Variants in CXCL13 observed in about 807,000 individuals in gnomAD.
The protein encoded by CXCL13 is C-X-C motif chemokine ligand 13.
CXCL13 carries 7 observed loss-of-function variants against 12.2 expected under a neutral mutation model. The observed-to-expected ratio is 0.57, with a 90% confidence interval of 0.33 to 1.07. The LOEUF (loss-of-function observed/expected upper bound fraction) is 1.07. Among genes scored for constraint, CXCL13 ranks in the 50% least tolerant of loss-of-function variants. The pLI, the probability that CXCL13 is intolerant of heterozygous loss-of-function variation, is 0.04. For missense variants in CXCL13, 113 were observed against 127.4 expected, an observed-to-expected ratio of 0.89 and a Z score of 0.55; for synonymous variants, 47 against 42.4, an observed-to-expected ratio of 1.11 and a Z score of -0.42.
At chr4:77,530,155 A>G (rs1005144511) in intron 1 of CXCL13, among the ~76,000 whole-genome samples, 2 of 152,124 alleles carry the variant, frequency 1.3e-5, no homozygotes, top group African/African-American at 4.8e-5. Context: ...AAGCTTCTTG[A>G]TGTGCTTCTG....
At chr4:77,534,685 C>A (rs1011305092) in intron 1 of CXCL13, among the ~76,000 whole-genome samples, 5 of 152,196 alleles carry the variant, frequency 3.3e-5, no homozygotes, top group African/African-American at 9.7e-5. Context: ...GTGTTGGGAT[C>A]AATTTCAAAC....
At chr4:77,579,330 T>G (rs1343705949) in intron 1 of CXCL13, among the ~76,000 whole-genome samples, 1 of 152,232 alleles carries the variant, frequency 6.6e-6, no homozygotes, top group Non-Finnish European at 1.5e-5. Context: ...TTTGGAAAGC[T>G]GAATAAGGAC....
chr4:77,519,613 A>T (rs1724524509), intron 1 of CXCL13, among the ~76,000 whole-genome samples: 1 of 152,160 alleles, frequency 6.6e-6, no homozygotes, highest in Admixed American at 6.5e-5. Context: ...TCTGGATATT[A>T]GCCCTTTGTC....
chr4:77,586,844 G>C (rs953385189), intron 1 of CXCL13, among the ~76,000 whole-genome samples: 6 of 152,164 alleles, frequency 3.9e-5, no homozygotes, highest in African/African-American at 1.2e-4. Context: ...GTCCAGAGAG[G>C]AAAAGAGTCT....
chr4:77,516,801 A>C (rs1724433360), intron 1 of CXCL13, among the ~76,000 whole-genome samples: 1 of 151,476 alleles, frequency 6.6e-6, no homozygotes, highest in South Asian at 2.1e-4. Context: ...TTGTGTCTCT[A>C]TTTCCTTCAG....
At chr4:77,522,997 G>C (rs1256028617) in intron 1 of CXCL13, among the ~76,000 whole-genome samples, 1 of 152,092 alleles carries the variant, frequency 6.6e-6, no homozygotes, top group Admixed American at 6.5e-5. Flanking sequence ...TTAAATTCTA[G>C]GTTGAAAATT....
chr4:77,571,692 G>A (rs554450678), intron 1 of CXCL13, among the ~76,000 whole-genome samples: 3 of 151,936 alleles, frequency 2.0e-5, no homozygotes, highest in African/African-American at 7.3e-5. Flanking sequence ...TGTGGGTGGG[G>A]CCAGATAAGA....
chr4:77,545,408 C>T (rs1233052542), intron 1 of CXCL13, among the ~76,000 whole-genome samples: 1 of 152,066 alleles, frequency 6.6e-6, no homozygotes, highest in East Asian at 1.9e-4. Context: ...TTGATTGTGT[C>T]CTCTTTTATT....
chr4:77,579,398 G>T (rs969485662), intron 1 of CXCL13, among the ~76,000 whole-genome samples: 1 of 152,198 alleles, frequency 6.6e-6, no homozygotes, highest in Admixed American at 6.5e-5. Flanking sequence ...GATGCAGGCC[G>T]TTTGCCTCCC....
intron 1 of CXCL13, among the ~76,000 whole-genome samples, chr4:77,553,772 G>A (rs895343930): frequency 6.6e-5 from 10 of 152,256 alleles, no homozygotes; most frequent in Middle Eastern, 3.4e-3. Flanking sequence ...TTTCCGAGTG[G>A]ATGAGGCATG....
chr4:77,559,897 G>C (rs957011506), intron 1 of CXCL13, among the ~76,000 whole-genome samples: 2 of 146,868 alleles, frequency 1.4e-5, no homozygotes, highest in African/African-American at 5.2e-5. Context: ...ACTCCAGCCT[G>C]GGTGAGAGAG....
intron 1 of CXCL13, among the ~76,000 whole-genome samples, chr4:77,584,276 A>T (rs1726401646): frequency 6.6e-6 from 1 of 152,192 alleles, no homozygotes; most frequent in Non-Finnish European, 1.5e-5. Context: ...CTCCTCTCAC[A>T]TCACAGTTCT....
At chr4:77,544,696 T>C (rs1261943605) in intron 1 of CXCL13, among the ~76,000 whole-genome samples, 4 of 152,240 alleles carry the variant, frequency 2.6e-5, no homozygotes, top group African/African-American at 9.6e-5. Flanking sequence ...TTCTGTAGGT[T>C]GCCTGTTCAC....
chr4:77,560,910 G>GATGC (rs1283093391), intron 1 of CXCL13, among the ~76,000 whole-genome samples: 1 of 152,066 alleles, frequency 6.6e-6, no homozygotes, highest in Admixed American at 6.5e-5. Context: ...GGTTTCCCAT[G>GATGC]ATGCTGAAAT....
chr4:77,591,805 A>T (rs772516632), intron 1 of CXCL13, among the ~76,000 whole-genome samples: 12 of 152,200 alleles, frequency 7.9e-5, no homozygotes, highest in Non-Finnish European at 1.2e-4. Context: ...TGCTGCCAGC[A>T]AGTGCCTGTG....
At chr4:77,535,359 A>G (rs1382973955) in intron 1 of CXCL13, among the ~76,000 whole-genome samples, 1 of 152,158 alleles carries the variant, frequency 6.6e-6, no homozygotes, top group African/African-American at 2.4e-5. Context: ...TACCCTTTCC[A>G]GTTGAGCCAT....
At chr4:77,587,417 G>A (rs573397729) in intron 1 of CXCL13, among the ~76,000 whole-genome samples, 1 of 152,300 alleles carries the variant, frequency 6.6e-6, no homozygotes, top group Admixed American at 6.5e-5. Context: ...TCTGCAGGAA[G>A]CTCACAGTCC....
At chr4:77,592,849 T>C (rs578224204) in intron 1 of CXCL13, among the ~76,000 whole-genome samples, 9 of 152,296 alleles carry the variant, frequency 5.9e-5, no homozygotes, top group African/African-American at 1.9e-4. Flanking sequence ...TCAGATTTCA[T>C]AGTGGAAATG....
chr4:77,587,485 C>A (rs1426730210), intron 1 of CXCL13, among the ~76,000 whole-genome samples: 1 of 152,172 alleles, frequency 6.6e-6, no homozygotes, highest in East Asian at 1.9e-4. Flanking sequence ...AGATACAATA[C>A]TGGAGGTGGT....
Sources: allele counts gnomAD v4.1 joint callset (sites outside exome capture counted in the v4.1 genomes callset), GRCh38; gene constraint gnomAD v4.1.1; transcripts MANE v1.5; gene names NCBI Gene and HGNC (gene_info 2026-07-23, HGNC 2026-07-21).